Variants in DST observed in about 807,000 individuals in gnomAD.
DST encodes dystonin, also known as bullous pemphigoid antigen.
A neutral mutation model predicts 875.2 loss-of-function variants in DST; 253 were observed. The ratio of observed to expected loss-of-function variants is 0.29; its 90% CI spans 0.26 to 0.32. The LOEUF (loss-of-function observed/expected upper bound fraction) is 0.32. Among genes scored for constraint, DST ranks in the 10% least tolerant of loss-of-function variants. The pLI is 1.00. For synonymous variants in DST, 3,124 were observed against 3,197.1 expected (o/e 0.98, Z 0.77); for missense variants, 8,287 against 9,111.6 (o/e 0.91, Z 3.68).
rs541335607 is a variant in DST at position 56,723,983 on chromosome 6, A to T, written c.687+11245T>A. ...TGAAAACTGCTGTTTCCCTTCCAAA[A>T]AACATGTTTTTATTTAATCTTCTCA... On this transcript the variant is annotated intron_variant, in intron 5 of 103. Coordinates refer to ENST00000680361, the MANE Select transcript of DST (RefSeq NM_001374736.1). Among the ~76,000 whole-genome samples, 165 of 152,320 alleles carry T rather than the reference A, an allele frequency of 1.1e-3. 1 individual carries two copies. The highest frequency in any genetic ancestry group is 0.01 in the South Asian group (49 of 4,826).
chr6:56,942,547 A>T (rs954628641), intron 2 of DST, among the ~76,000 whole-genome samples: 5 of 151,956 alleles, frequency 3.3e-5, no homozygotes, highest in African/African-American at 1.2e-4. Flanking sequence ...TTAATATGCC[A>T]CTTCACATAA....
chr6:56,497,773 G>A, intron 81 of DST, 83 bp downstream of exon 81: 1 of 1,244,748 alleles, frequency 8.0e-7, no homozygotes, highest in Non-Finnish European at 1.1e-6. Context: ...AATTAAACAG[G>A]AGTCTGTGAA....
At chr6:56,658,644 T>A (rs957111956) in intron 10 of DST, among the ~76,000 whole-genome samples, 1 of 151,142 alleles carries the variant, frequency 6.6e-6, no homozygotes, top group African/African-American at 2.5e-5. Context: ...GACAACCTGA[T>A]GCTTTGGTAT....
intron 4 of DST, among the ~76,000 whole-genome samples, chr6:56,834,045 T>G (rs947735415): frequency 1.3e-5 from 2 of 151,926 alleles, no homozygotes; most frequent in South Asian, 2.1e-4. Context: ...CTGGGCAACA[T>G]AGCAAGACCC....
intron 9 of DST, among the ~76,000 whole-genome samples, chr6:56,697,350 T>C (rs2099269521): frequency 6.6e-6 from 1 of 152,208 alleles, no homozygotes; most frequent in African/African-American, 2.4e-5. Flanking sequence ...TGGACTCTGC[T>C]CATTTCTATC....
At chr6:56,702,061 C>T (rs2099310727) in intron 7 of DST, 96 bp from the exon 8 acceptor site, 2 of 725,386 alleles carry the variant, frequency 2.8e-6, no homozygotes, top group East Asian at 2.7e-5. Flanking sequence ...TATATCAAAA[C>T]AGTATTTACC....
rs1166036410 is a variant in DST at position 56,552,209 on chromosome 6, A to C, written c.16583T>G (p.Ile5528Ser). ...QGPVGMETETINQQLNMFKVF... is the reference protein window; with the variant it reads ...QGPVGMETETSNQQLNMFKVF... ...CTTGAACATGTTAAGCTGCTGATTA[A>C]TTGTCTCCGTTTCCATACCAACAGG... Residue 5528 changes from isoleucine to serine, a missense_variant, in exon 61 of 104, where the codon ATT becomes AGT. Around this residue, in one of 10 missense-constraint regions of DST, gnomAD observed 777 missense variants for 764.8 expected, o/e 1.02. Transcript: ENST00000680361. 6.2e-7 allele frequency: 1 copy of C among 1,612,678 alleles called. No homozygotes were observed. Among genetic ancestry groups the C allele is most frequent in the African/African-American group, 1.3e-5 (1 of 74,946 alleles).
intron 82 of DST, among the ~76,000 whole-genome samples, chr6:56,496,709 C>T (rs2095919414): frequency 6.6e-6 from 1 of 152,076 alleles, no homozygotes; most frequent in African/African-American, 2.4e-5. Context: ...CTAAAACATA[C>T]TGACACACTA....
intron 4 of DST, among the ~76,000 whole-genome samples, chr6:56,844,239 A>G (rs576754188): frequency 2.0e-5 from 3 of 152,250 alleles, no homozygotes; most frequent in Non-Finnish European, 2.9e-5. Flanking sequence ...CCCGCGCATC[A>G]GCGCCTGACA....
Position 56,537,489 on chromosome 6 carries a change from TAC to T in DST, c.16609-551_16609-550del, listed in dbSNP as rs544591314. On this transcript the variant is annotated intron_variant, in intron 61 of 103. Transcript: ENST00000680361. ...ACATGGCTTGGCAGGAGGGCCAAAA[TAC>T]AGAGATAGGAAAATGAAAAATACAT... Among the ~76,000 whole-genome samples the T allele has an allele frequency of 2.2e-3, 328 of 152,172 alleles. 1 individual carries two copies. The highest frequency in any genetic ancestry group is 7.3e-3 in the African/African-American group (303 of 41,504).
chr6:56,821,408 GAC>G (rs1225072845), intron 4 of DST, among the ~76,000 whole-genome samples: 1 of 152,184 alleles, frequency 6.6e-6, no homozygotes, highest in Non-Finnish European at 1.5e-5. Flanking sequence ...ATGTGTTCAG[GAC>G]CAGGAGGTAG....
rs540998564 is a variant in DST at position 56,603,356 on chromosome 6, T to A, written c.11006A>T (p.Glu3669Val). ...GTCACTGGGAAGAGACTTTAAAAAC[T>A]CTTCTGCCAACTTCATATCTTTTCT... ...ILRKDMKLAEEFLKSLPSDFP... is the reference protein window; with the variant it reads ...ILRKDMKLAEVFLKSLPSDFP... The change falls in exon 42 of 104, where the codon GAG becomes GTG. Residue 3669 changes from glutamate (E) to valine (V), a missense_variant. By Grantham distance (121) the Glu-to-Val change is moderately radical. Around this residue, in one of 10 missense-constraint regions of DST, gnomAD observed 3,138 missense variants for 3,116.6 expected, o/e 1.01. Transcript: ENST00000680361. 4 of 1,611,072 alleles carry A rather than the reference T, an allele frequency of 2.5e-6. No homozygotes were observed. The highest frequency in any genetic ancestry group is 3.4e-6 in the Non-Finnish European group (4 of 1,179,124).
intron 10 of DST, among the ~76,000 whole-genome samples, chr6:56,663,551 C>T (rs537696719): frequency 6.6e-6 from 1 of 152,294 alleles, no homozygotes; most frequent in South Asian, 2.1e-4. Context: ...CCCTAAAGGG[C>T]CTCCTCCCGG....
chr6:56,840,264 GA>G (rs1157088554), intron 4 of DST, among the ~76,000 whole-genome samples: 3 of 151,374 alleles, frequency 2.0e-5, no homozygotes, highest in African/African-American at 4.8e-5. Context: ...TTACACTTAA[GA>G]AAAAAAATAA....
intron 51 of DST, 46 bp downstream of exon 51, chr6:56,573,633 T>C (rs775774173): frequency 6.8e-7 from 1 of 1,474,086 alleles, no homozygotes; most frequent in Non-Finnish European, 9.4e-7. Flanking sequence ...TATAAAACTG[T>C]TTTTTTAAAA....
chr6:56,948,646 T>A (rs2127809808), intron 2 of DST, among the ~76,000 whole-genome samples: 1 of 152,346 alleles, frequency 6.6e-6, no homozygotes, highest in South Asian at 2.1e-4. Context: ...AAGAGGGGAC[T>A]ACTGTACTTA....
At chr6:56,913,367 C>T (rs558492755) in intron 2 of DST, among the ~76,000 whole-genome samples, 15 of 152,270 alleles carry the variant, frequency 9.9e-5, no homozygotes, top group Non-Finnish European at 4.4e-5. Flanking sequence ...AGTATCTGCT[C>T]GAGGACTGAA....
rs759876990 is a variant in DST, at chr6:56,532,438, T to A, written c.17014A>T (p.Thr5672Ser). 3.1e-6 allele frequency: 5 copies of A among 1,612,888 alleles called. No individual in the cohort carries two copies. In the Admixed American group the frequency reaches 5.0e-5, roughly 16 times the overall value. Residue 5672 changes from threonine to serine, a missense_variant, in exon 64 of 104, where the codon ACA becomes TCA. Thr to Ser is a moderately conservative substitution (Grantham distance 58, BLOSUM62 1). Coordinates refer to ENST00000680361, the MANE Select transcript of DST (RefSeq NM_001374736.1). ...ACTTTATCTGCGGGCTCTGCTGTTG[T>A]AGCAATTTTTTCTCCTTCTCGTTTG... is the stretch of plus-strand genomic sequence containing the variant. ...VIKREGEKIA[T>S]TAEPADKVKI...
At chr6:56,738,144 CAG>C (rs912296702) in intron 4 of DST, among the ~76,000 whole-genome samples, 4 of 151,982 alleles carry the variant, frequency 2.6e-5, no homozygotes, top group African/African-American at 7.3e-5. Context: ...CTATCACTGT[CAG>C]GGAGAAAAAA....
Sources: allele counts gnomAD v4.1 joint callset (sites outside exome capture counted in the v4.1 genomes callset), GRCh38; gene constraint gnomAD v4.1.1; regional missense constraint gnomAD v4.1.1; transcripts MANE v1.5; gene names NCBI Gene and HGNC (gene_info 2026-07-23, HGNC 2026-07-21).